Variants in TMEM80 observed in about 807,000 individuals in gnomAD.
The protein encoded by TMEM80 is transmembrane protein 80.
In TMEM80, 16 loss-of-function variants were observed where a neutral mutation model predicts 13.6. The observed-to-expected ratio is 1.17, with a 90% confidence interval of 0.79 to 1.78. TMEM80 has a LOEUF of 1.78. Among genes scored for constraint, TMEM80 ranks in the 40% most tolerant of loss-of-function variants. TMEM80 has a pLI of 0.00. For missense variants in TMEM80, 167 were observed against 184.6 expected (o/e 0.90, Z 0.55); for synonymous variants, 92 against 89.5 (o/e 1.03, Z -0.16).
At position 703,680 on chromosome 11, in the gene TMEM80, C is replaced by T. The variant is rs1231009611; in HGVS notation, c.*530C>T. 4.9e-6 allele frequency: 6 copies of T among 1,232,262 alleles called. No homozygotes were observed. In the African/African-American group the frequency reaches 9.3e-5, roughly 19 times the overall value. The allele number at this position is 1,232,262 out of a possible 1,614,324, so 76.3% of individuals were successfully genotyped here. A position where few individuals can be genotyped will look rare whatever the true frequency, so the allele number is the denominator to read the frequency against. On this transcript the variant is annotated 3_prime_UTR_variant, in exon 5 of 5. Transcript: ENST00000397510. Reference sequence around the variant, plus strand: ...TGTGCTCTGAGCAACCCCAGCTCTGCCTCACAGGCAGGCAGGCCCGGTGCA... The same window carrying T: ...TGTGCTCTGAGCAACCCCAGCTCTGTCTCACAGGCAGGCAGGCCCGGTGCA...
chr11:697,041 A>C (rs1012326173), intron 1 of TMEM80, among the ~76,000 whole-genome samples: 2 of 151,092 alleles, frequency 1.3e-5, no homozygotes, highest in Non-Finnish European at 2.9e-5. Flanking sequence ...CGGAGGTTGC[A>C]GTTGGCCAAG....
Position 700,715 on chromosome 11 carries a change from G to A in TMEM80, c.226+8G>A, listed in dbSNP as rs1205535189. ...CAGTTCGGTTATACCTGGGTGAGTG[G>A]ACTGTTAACACCGTGAAGAACCTGT... On this transcript the variant is annotated splice_region_variant and intron_variant, in intron 4 of 4. Transcript: ENST00000397510. 1.6e-5 allele frequency: 26 copies of A among 1,609,616 alleles called. No individual in the cohort carries two copies. The highest frequency in any genetic ancestry group is 2.1e-5 in the Non-Finnish European group (25 of 1,176,024).
upstream of TMEM80, chr11:695,742 G>A (rs750732101): frequency 3.5e-4 from 437 of 1,240,214 alleles, no homozygotes; most frequent in Non-Finnish European, 4.0e-4. Context: ...CCTTCGTCAG[G>A]AGACGCGAAA....
chr11:702,268 G>C (rs543647082), intron 4 of TMEM80, among the ~76,000 whole-genome samples: 5 of 152,348 alleles, frequency 3.3e-5, no homozygotes, highest in South Asian at 2.1e-4. Flanking sequence ...AGAACCTCTA[G>C]AGCTTGCCCC....
chr11:700,750 T>TG (rs1453429595), intron 4 of TMEM80, 43 bp downstream of exon 4: 1 of 1,527,744 alleles, frequency 6.5e-7, no homozygotes, highest in Non-Finnish European at 9.1e-7. Flanking sequence ...TCCTAAGAGT[T>TG]GCTATCTGTT....
At chr11:695,767 G>T, upstream of TMEM80, 1 of 1,238,524 alleles carries the variant, frequency 8.1e-7, no homozygotes. Context: ...CCGAAGGAGC[G>T]CGAGCGCGCG....
intron 4 of TMEM80, among the ~76,000 whole-genome samples, chr11:702,619 G>C (rs1861547921): frequency 6.6e-6 from 1 of 152,258 alleles, no homozygotes; most frequent in African/African-American, 2.4e-5. Flanking sequence ...TTGGAATTAG[G>C]AAAACGTGGC....
At chr11:697,119 C>G (rs1332962334) in intron 1 of TMEM80, among the ~76,000 whole-genome samples, 1 of 138,478 alleles carries the variant, frequency 7.2e-6, no homozygotes, top group African/African-American at 2.7e-5. Flanking sequence ...AAAAAATTAC[C>G]TCAGGGAGCC....
rs199877297 is a variant in TMEM80, at chr11:703,100, G to T, written c.382G>T (p.Gly128Cys). Residue 128 changes from glycine to cysteine, a missense_variant, in exon 5 of 5, where the codon GGC becomes TGC. Gly to Cys is a radical substitution (Grantham distance 159). Coordinates refer to ENST00000397510, the MANE Select transcript of TMEM80 (RefSeq NM_001042463.3). The part of the protein sequence containing the change: ...ALSATLLALH[G>C]LEAVLQVVAI... ...CAGCGCCACGCTCCTGGCCCTTCAC[G>T]GCCTGGAGGCCGTCCTGCAGGTGGT... 6.2e-7 allele frequency: 1 copy of T among 1,611,118 alleles called. No homozygotes were observed.
chr11:699,930 G>C, intron 2 of TMEM80: 1 of 554,640 alleles, frequency 1.8e-6, no homozygotes, highest in African/African-American at 1.9e-5. Flanking sequence ...CATGGAGGGG[G>C]GTCCCACAAA....
rs1012326173 is a variant in TMEM80, at chr11:697,041, A to G, written c.19+1195A>G. ...GGGGGGGGTGGGGTGCGGAGGTTGC[A>G]GTTGGCCAAGATCGCACCATTGCAC... On this transcript the variant is annotated intron_variant, in intron 1 of 4. Coordinates refer to ENST00000397510, the MANE Select transcript of TMEM80 (RefSeq NM_001042463.3). Among the ~76,000 whole-genome samples the G allele has an allele frequency of 6.0e-5, 9 of 151,202 alleles. No individual in the cohort carries two copies. In the Admixed American group the frequency reaches 6.0e-4, roughly 10 times the overall value.
chr11:701,681 T>C (rs1016795289), intron 4 of TMEM80, among the ~76,000 whole-genome samples: 9 of 152,038 alleles, frequency 5.9e-5, no homozygotes, highest in Admixed American at 6.6e-5. Flanking sequence ...AGTGCTGGGA[T>C]TACAGGCGTG....
chr11:695,854 CGG>C lies in TMEM80; in HGVS notation c.19+10_19+11del. 1.6e-6 allele frequency: 2 copies of C among 1,230,698 alleles called. No individual in the cohort carries two copies. Among genetic ancestry groups the C allele is most frequent in the Non-Finnish European group, 2.0e-6 (2 of 986,958 alleles). The allele number at this position is 1,230,698 out of a possible 1,614,324, so 76.2% of individuals were successfully genotyped here. ...TGGCGGCCCCGCGGCGAGGTGAGCT[CGG>C]GCGGGGTGGGGGCTTCCGGGCTTGC... On this transcript the variant is annotated intron_variant, in intron 1 of 4. Transcript: ENST00000397510.
rs1861584676 is a variant in TMEM80 at position 703,305 on chromosome 11, G to C, written c.*155G>C. On this transcript the variant is annotated 3_prime_UTR_variant, in exon 5 of 5. Transcript: ENST00000397510. Reference sequence around the variant, plus strand: ...GGTTCCATCTGTTCTGGCAGGAGTGGGAGCAGGAGCCAGGGCAGAACAAAC... The same window carrying C: ...GGTTCCATCTGTTCTGGCAGGAGTGCGAGCAGGAGCCAGGGCAGAACAAAC... 1 of 1,424,226 alleles carries C rather than the reference G, an allele frequency of 7.0e-7. No individual in the cohort carries two copies. Among genetic ancestry groups the C allele is most frequent in the East Asian group, 2.6e-5 (1 of 38,906 alleles). The allele number at this position is 1,424,226 out of a possible 1,614,324, so 88.2% of individuals were successfully genotyped here. A position where few individuals can be genotyped will look rare whatever the true frequency, so the allele number is the denominator to read the frequency against.
chr11:701,222 C>G (rs1234413577), intron 4 of TMEM80: 4 of 172,996 alleles, frequency 2.3e-5, no homozygotes, highest in Non-Finnish European at 5.0e-5. Flanking sequence ...CTCTGTTGCC[C>G]AGGCTGGAGT....
At chr11:700,404 G>A (rs1371236514) in intron 3 of TMEM80, among the ~76,000 whole-genome samples, 169 bp downstream of exon 3, 1 of 152,012 alleles carries the variant, frequency 6.6e-6, no homozygotes, top group Non-Finnish European at 1.5e-5. Flanking sequence ...GTGGGCGCCT[G>A]TAGTCCCAGC....
downstream of TMEM80, chr11:704,732 G>A (rs954381235): frequency 2.9e-5 from 32 of 1,102,366 alleles, no homozygotes; most frequent in Middle Eastern, 4.7e-4. Context: ...CAGGTGACCC[G>A]GAGTGGATGG....
chr11:701,406 C>CTTTTT (rs71022955), intron 4 of TMEM80, among the ~76,000 whole-genome samples: 8 of 64,900 alleles, frequency 1.2e-4, no homozygotes, highest in African/African-American at 1.9e-4. Context: ...GACAAGGTTT[C>CTTTTT]TTTTTTTTTT....
In TMEM80 at chr11:701,103, G is replaced by T. The variant is rs185617506; in HGVS notation, c.226+396G>T. 65 of 232,904 alleles carry T rather than the reference G, an allele frequency of 2.8e-4. No homozygotes were observed. The East Asian group carries it at 5.2e-3, about 19-fold the overall frequency. The allele number at this position is 232,904 out of a possible 1,614,324, so 14.4% of individuals were successfully genotyped here. A position where few individuals can be genotyped will look rare whatever the true frequency, so the allele number is the denominator to read the frequency against. ...GGAGAGTTCTGCCAGGTCCCAAAAG[G>T]CAGCAGAGTCTGGAGGGGTGGGAGC... On this transcript the variant is annotated intron_variant, in intron 4 of 4. Coordinates refer to ENST00000397510, the MANE Select transcript of TMEM80 (RefSeq NM_001042463.3).
Sources: gnomAD v4.1 joint callset for allele counts (sites outside exome capture counted in the v4.1 genomes callset) on GRCh38, gnomAD v4.1.1 for gene constraint, MANE v1.5 for transcripts, NCBI Gene and HGNC (gene_info 2026-07-23, HGNC 2026-07-21) for gene names.